Variants in GABRP observed in about 807,000 individuals in gnomAD.
GABRP encodes gamma-aminobutyric acid receptor subunit pi.
A neutral mutation model predicts 47.8 loss-of-function variants in GABRP; 52 were observed. The observed-to-expected ratio is 1.09, with a 90% CI of 0.87 to 1.37. The LOEUF is 1.37. Among genes scored for constraint, GABRP ranks in the 40% most tolerant of loss-of-function variants. The pLI is 0.00. For missense variants in GABRP, 525 were observed against 542.8 expected (o/e 0.97, Z 0.33); for synonymous variants, 221 against 205.8 (o/e 1.07, Z -0.63).
intron 3 of GABRP, among the ~76,000 whole-genome samples, chr5:170,790,661 C>T (rs1368768705): frequency 2.6e-5 from 4 of 152,062 alleles, no homozygotes; most frequent in African/African-American, 9.7e-5. Context: ...TGGGTGGAAG[C>T]ATCTTAGATG....
intron 8 of GABRP, among the ~76,000 whole-genome samples, 189 bp from the exon 9 acceptor site, chr5:170,809,379 T>A: frequency 6.6e-6 from 1 of 152,086 alleles, no homozygotes; most frequent in African/African-American, 2.4e-5. Flanking sequence ...AAAAAACACA[T>A]CCCTCATATC....
chr5:170,806,213 G>A (rs1029328433), intron 7 of GABRP, among the ~76,000 whole-genome samples: 3 of 152,312 alleles, frequency 2.0e-5, no homozygotes, highest in South Asian at 4.1e-4. Flanking sequence ...GAAGAAGACA[G>A]CAGCAATGCC....
At chr5:170,798,318 G>A (rs1765492215) in intron 6 of GABRP, among the ~76,000 whole-genome samples, 1 of 152,206 alleles carries the variant, frequency 6.6e-6, no homozygotes, top group East Asian at 1.9e-4. Context: ...TGAGATTACA[G>A]GCGTGAGCCA....
intron 6 of GABRP, among the ~76,000 whole-genome samples, chr5:170,800,608 C>G (rs975105015): frequency 6.6e-6 from 1 of 152,128 alleles, no homozygotes; most frequent in African/African-American, 2.4e-5. Context: ...GCCCCAATCT[C>G]CTTGACTGAA....
Position 170,809,765 on chromosome 5 carries a change from T to C in GABRP, c.1020+10T>C. On this transcript the variant is annotated intron_variant, in intron 9 of 9. Transcript: ENST00000265294. ...GGCAGCCAAAGATAGGGTAAGAGTC[T>C]TGAGGGCCCTGTGTATGATCCATCA... The C allele has an allele frequency of 6.3e-7, 1 of 1,577,900 alleles. No individual in the cohort carries two copies. The highest frequency in any genetic ancestry group is 8.6e-7 in the Non-Finnish European group (1 of 1,162,552).
chr5:170,809,956 G>T (rs1392339681), intron 9 of GABRP: 4 of 701,278 alleles, frequency 5.7e-6, no homozygotes, highest in Non-Finnish European at 1.0e-5. Context: ...CAAATACAAT[G>T]AGATATTAAT....
chr5:170,801,689 T>C (rs1765595708), intron 6 of GABRP, among the ~76,000 whole-genome samples: 1 of 152,230 alleles, frequency 6.6e-6, no homozygotes, highest in Non-Finnish European at 1.5e-5. Flanking sequence ...ATACATTCAA[T>C]TCATCCATTC....
At chr5:170,803,969 T>C (rs958549485) in intron 6 of GABRP, among the ~76,000 whole-genome samples, 13 of 152,266 alleles carry the variant, frequency 8.5e-5, no homozygotes, top group African/African-American at 2.6e-4. Context: ...GGTTTCACCA[T>C]GTTGGCCAGG....
intron 1 of GABRP, among the ~76,000 whole-genome samples, chr5:170,786,969 G>A (rs996647412): frequency 6.7e-6 from 1 of 149,670 alleles, no homozygotes; most frequent in South Asian, 2.1e-4. Flanking sequence ...GAGAAGAAAT[G>A]GGGGGGGACT....
chr5:170,806,254 A>G (rs1581605556), intron 7 of GABRP, among the ~76,000 whole-genome samples: 1 of 152,346 alleles, frequency 6.6e-6, no homozygotes, highest in South Asian at 2.1e-4. Flanking sequence ...TAATTATTGC[A>G]AACATGGCAG....
chr5:170,799,083 A>G (rs1229411795), intron 6 of GABRP, among the ~76,000 whole-genome samples: 1 of 152,088 alleles, frequency 6.6e-6, no homozygotes. Flanking sequence ...TTCCAGCTTC[A>G]TCCATGTCTC....
chr5:170,795,217 G>A lies in GABRP; in HGVS notation c.250G>A (p.Ala84Thr). 4 of 1,612,798 alleles carry A rather than the reference G, an allele frequency of 2.5e-6. No homozygotes were observed. The highest frequency in any genetic ancestry group is 3.4e-6 in the Non-Finnish European group (4 of 1,179,552). Residue 84 changes from alanine (A) to threonine (T), a missense_variant, in exon 5 of 10, where the codon GCC becomes ACC. By Grantham distance (58) the Ala-to-Thr change is moderately conservative. Transcript: ENST00000265294. ...SISESNMDYT[A>T]TIYLRQRWMD... ...TGCCTCCCCCTCCCAGGACTACACA[G>A]CCACCATATACCTCCGACAGCGCTG...
intron 3 of GABRP, among the ~76,000 whole-genome samples, chr5:170,791,510 C>G (rs1376278246): frequency 6.6e-6 from 1 of 152,220 alleles, no homozygotes; most frequent in Non-Finnish European, 1.5e-5. Context: ...TACCCAGGAG[C>G]TGGCTTTGAC....
rs761297094 is a variant in GABRP, at chr5:170,797,575, A to G, written c.541+27A>G. 16 of 1,438,490 alleles carry G rather than the reference A, an allele frequency of 1.1e-5. No individual in the cohort carries two copies. In the South Asian group the frequency reaches 1.8e-4, roughly 16 times the overall value. The allele number at this position is 1,438,490 out of a possible 1,614,324, so 89.1% of individuals were successfully genotyped here. ...TAAGTATACATCCTACAGGCTCCTG[A>G]GATGATTTTCCTGGGTGACTTAGGT... is the stretch of plus-strand genomic sequence containing the variant. On this transcript the variant is annotated intron_variant, in intron 6 of 9. Transcript: ENST00000265294.
At chr5:170,808,220 G>C (rs1396595933) in intron 7 of GABRP, among the ~76,000 whole-genome samples, 1 of 152,174 alleles carries the variant, frequency 6.6e-6, no homozygotes, top group Non-Finnish European at 1.5e-5. Context: ...TTGAGAAACA[G>C]ATGGTCACAG....
chr5:170,807,823 G>A (rs1278111060), intron 7 of GABRP, among the ~76,000 whole-genome samples: 4 of 152,008 alleles, frequency 2.6e-5, no homozygotes, highest in African/African-American at 7.3e-5. Flanking sequence ...GGGTGACAGA[G>A]GGTTGGAGCA....
chr5:170,805,858 C>T lies in GABRP; in HGVS notation c.679+5C>T, dbSNP rs984361429. The stretch of plus-strand genomic sequence containing the variant: ...CCAGATCGCAGCAGGAGACAGGTAA[C>T]TCATGTGACAAACTGTATGAAATAA... On this transcript the variant is annotated splice_donor_5th_base_variant and intron_variant, in intron 7 of 9. Coordinates refer to ENST00000265294, the MANE Select transcript of GABRP (RefSeq NM_014211.3). 1 of 1,613,474 alleles carries T rather than the reference C, an allele frequency of 6.2e-7. No homozygotes were observed. The highest frequency in any genetic ancestry group is 1.1e-5 in the South Asian group (1 of 90,968).
intron 3 of GABRP, among the ~76,000 whole-genome samples, chr5:170,793,584 G>T (rs149584950): frequency 2.9e-4 from 44 of 152,302 alleles, no homozygotes; most frequent in African/African-American, 9.9e-4. Flanking sequence ...AATGCCTCTT[G>T]TGGTAAATTT....
intron 9 of GABRP, 94 bp from the exon 10 acceptor site, chr5:170,811,860 AAC>A: frequency 8.8e-7 from 1 of 1,138,982 alleles, no homozygotes; most frequent in Non-Finnish European, 1.3e-6. Context: ...CTAATTATTC[AAC>A]ACTTAGGCCT....
Sources: allele counts gnomAD v4.1 joint callset (sites outside exome capture counted in the v4.1 genomes callset), GRCh38; gene constraint gnomAD v4.1.1; transcripts MANE v1.5; gene names NCBI Gene and HGNC (gene_info 2026-07-23, HGNC 2026-07-21).